ZRANB3: variants seen among roughly 807,000 people sequenced by gnomAD.
The protein encoded by ZRANB3 is zinc finger RANBP2-type containing 3.
In ZRANB3, 125 loss-of-function variants were observed where a neutral mutation model predicts 133.8. The ratio of observed to expected loss-of-function variants is 0.93; its 90% CI spans 0.81 to 1.08. ZRANB3 has a LOEUF of 1.08. ZRANB3 is among the 50% of genes least tolerant of loss of function. ZRANB3 has a pLI of 0.00. For missense variants in ZRANB3, 1,229 were observed against 1,275.5 expected, an observed-to-expected ratio of 0.96 and a Z score of 0.56; for synonymous variants, 387 against 432.7, an observed-to-expected ratio of 0.89 and a Z score of 1.31.
intron 5 of ZRANB3, among the ~76,000 whole-genome samples, 185 bp downstream of exon 5, chr2:135,349,799 C>T (rs1020042974): frequency 6.6e-6 from 1 of 152,154 alleles, no homozygotes; most frequent in Non-Finnish European, 1.5e-5. Flanking sequence ...TTGGCTAAGG[C>T]TTAAATGTAA....
chr2:135,355,293 A>T (rs1459231909), intron 3 of ZRANB3: 21 of 984,480 alleles, frequency 2.1e-5, no homozygotes, highest in Non-Finnish European at 2.5e-5. Flanking sequence ...ACCCGAAGCC[A>T]CTCAAACATC....
intron 2 of ZRANB3, among the ~76,000 whole-genome samples, chr2:135,501,319 T>A (rs1692931242): frequency 6.6e-6 from 1 of 152,152 alleles, no homozygotes; most frequent in South Asian, 2.1e-4. Flanking sequence ...TGTTAACATT[T>A]TGGCTCATCC....
chr2:135,208,940 T>A lies in ZRANB3; in HGVS notation c.2534A>T (p.Asp845Val). The A allele has an allele frequency of 6.2e-7, 1 of 1,613,978 alleles. No homozygotes were observed. Among genetic ancestry groups the A allele is most frequent in the African/African-American group, 1.3e-5 (1 of 75,042 alleles). Reference protein sequence around the residue: ...TKEDVAVASMDKVKNVGGHVR... With the variant: ...TKEDVAVASMVKVKNVGGHVR... Reference sequence around the variant, plus strand: ...ATGGCCCCCAACATTCTTCACTTTGTCCATTGAGGCTACGGCAACATCTTC... The same window carrying A: ...ATGGCCCCCAACATTCTTCACTTTGACCATTGAGGCTACGGCAACATCTTC... Residue 845 changes from aspartate (D) to valine (V), a missense_variant, in exon 18 of 21, where the codon GAC becomes GTC. Coordinates refer to ENST00000264159, the MANE Select transcript of ZRANB3 (RefSeq NM_032143.4).
chr2:135,308,615 T>G (rs1444687634), intron 8 of ZRANB3, among the ~76,000 whole-genome samples: 1 of 152,160 alleles, frequency 6.6e-6, no homozygotes, highest in East Asian at 1.9e-4. Context: ...TTTTTGTTTG[T>G]TTTGTCTTTT....
Position 135,230,672 on chromosome 2 carries a change from G to T in ZRANB3, c.1795C>A (p.Gln599Lys), listed in dbSNP as rs747368659. ...PSEETPSQSKQIRTPLVESVQ... is the reference protein window; with the variant it reads ...PSEETPSQSKKIRTPLVESVQ... Reference sequence around the variant, plus strand: ...CTTTCCACGAGTGGAGTTCGGATTTGCTTGGACTGGGATGGTGTCTCTTCC... The same window carrying T: ...CTTTCCACGAGTGGAGTTCGGATTTTCTTGGACTGGGATGGTGTCTCTTCC... The change falls in exon 13 of 21, where the codon CAA (glutamine) becomes AAA (lysine). Residue 599 changes from glutamine to lysine, a missense_variant. Coordinates refer to ENST00000264159, the MANE Select transcript of ZRANB3 (RefSeq NM_032143.4). 1 of 1,613,618 alleles carries T rather than the reference G, an allele frequency of 6.2e-7. No individual in the cohort carries two copies. Among genetic ancestry groups the T allele is most frequent in the South Asian group, 1.1e-5 (1 of 90,896 alleles).
chr2:135,481,818 T>G (rs1279510884), intron 2 of ZRANB3, among the ~76,000 whole-genome samples: 1 of 151,352 alleles, frequency 6.6e-6, no homozygotes, highest in Non-Finnish European at 1.5e-5. Context: ...GGATCCAGTT[T>G]CAGCTTTCTA....
intron 2 of ZRANB3, among the ~76,000 whole-genome samples, chr2:135,480,465 A>G (rs1691730732): frequency 6.6e-6 from 1 of 152,142 alleles, no homozygotes; most frequent in Non-Finnish European, 1.5e-5. Flanking sequence ...TGTAACAGAA[A>G]ACTTTTCAAT....
intron 7 of ZRANB3, among the ~76,000 whole-genome samples, chr2:135,314,141 G>A (rs1047740320): frequency 6.6e-6 from 1 of 152,178 alleles, no homozygotes; most frequent in African/African-American, 2.4e-5. Flanking sequence ...TGGGACTACA[G>A]GCGTGAGCCA....
intron 12 of ZRANB3, among the ~76,000 whole-genome samples, chr2:135,263,780 ATTT>A (rs869251850): frequency 6.9e-6 from 1 of 144,212 alleles, no homozygotes; most frequent in African/African-American, 2.5e-5. Flanking sequence ...GTTCATAGTA[ATTT>A]TTTTTTTTTT....
chr2:135,479,360 C>T (rs1419787142), intron 2 of ZRANB3, among the ~76,000 whole-genome samples: 1 of 152,188 alleles, frequency 6.6e-6, no homozygotes, highest in African/African-American at 2.4e-5. Context: ...ATTGGCCAGG[C>T]ACGGTGGCTC....
At chr2:135,499,912 T>C (rs1444212361) in intron 2 of ZRANB3, among the ~76,000 whole-genome samples, 1 of 152,126 alleles carries the variant, frequency 6.6e-6, no homozygotes, top group Non-Finnish European at 1.5e-5. Flanking sequence ...TTACTTAAGA[T>C]GAAGTCATTA....
At chr2:135,358,076 T>A (rs1685515582) in intron 3 of ZRANB3, among the ~76,000 whole-genome samples, 1 of 152,188 alleles carries the variant, frequency 6.6e-6, no homozygotes. Context: ...AAGATATCTG[T>A]AAACAATTTC....
At chr2:135,284,410 C>T (rs1196700917) in intron 8 of ZRANB3, among the ~76,000 whole-genome samples, 1 of 152,220 alleles carries the variant, frequency 6.6e-6, no homozygotes, top group Non-Finnish European at 1.5e-5. Flanking sequence ...TTTCAAACCA[C>T]CCCTTGCCCA....
intron 2 of ZRANB3, among the ~76,000 whole-genome samples, chr2:135,449,919 G>T (rs1266420420): frequency 6.6e-6 from 1 of 152,044 alleles, no homozygotes; most frequent in Non-Finnish European, 1.5e-5. Flanking sequence ...AACCATATAT[G>T]ACTAATTTTT....
chr2:135,453,545 C>T (rs191368031), intron 2 of ZRANB3, among the ~76,000 whole-genome samples: 43 of 152,264 alleles, frequency 2.8e-4, no homozygotes, highest in Admixed American at 1.2e-3. Context: ...AAATTTCTTC[C>T]GCCAGATACC....
intron 3 of ZRANB3, among the ~76,000 whole-genome samples, chr2:135,361,016 C>T (rs1685670138): frequency 6.6e-6 from 1 of 152,170 alleles, no homozygotes; most frequent in Non-Finnish European, 1.5e-5. Context: ...CCTGGCTCAA[C>T]CAATCCTCCT....
intron 2 of ZRANB3, among the ~76,000 whole-genome samples, chr2:135,442,418 T>G (rs1689820931): frequency 6.6e-6 from 1 of 152,142 alleles, no homozygotes; most frequent in South Asian, 2.1e-4. Flanking sequence ...AAGAAGACAT[T>G]TATGCAGCCA....
At chr2:135,275,531 A>G in intron 9 of ZRANB3, 105 bp downstream of exon 9, 1 of 899,722 alleles carries the variant, frequency 1.1e-6, no homozygotes, top group Middle Eastern at 3.7e-4. Flanking sequence ...ATATACCATC[A>G]TCTAAAGAAG....
rs578054089 is a variant in ZRANB3, at chr2:135,502,571, T to C, written c.161+1758A>G. ...AGAAGCATGCACAGCATCACAGAGATAGTAAGTGGCTCAGATTTCAACCAA... is the reference window on the plus strand; with the variant it reads ...AGAAGCATGCACAGCATCACAGAGACAGTAAGTGGCTCAGATTTCAACCAA... On this transcript the variant is annotated intron_variant, in intron 2 of 20. Coordinates refer to ENST00000264159, the MANE Select transcript of ZRANB3 (RefSeq NM_032143.4). Among the ~76,000 whole-genome samples, 4 of 152,274 alleles carry C rather than the reference T, an allele frequency of 2.6e-5. No homozygotes were observed. In the South Asian group the frequency reaches 8.3e-4, roughly 32 times the overall value.
Sources: gnomAD v4.1 joint callset for allele counts (sites outside exome capture counted in the v4.1 genomes callset) on GRCh38, gnomAD v4.1.1 for gene constraint, MANE v1.5 for transcripts, NCBI Gene and HGNC (gene_info 2026-07-23, HGNC 2026-07-21) for gene names.